The following SLK variants were observed in gnomAD, a reference collection of about 807,000 sequenced individuals.
SLK encodes STE20 like kinase, also known as STE20-like serine/threonine-protein kinase.
In SLK, 67 loss-of-function variants were observed where a neutral mutation model predicts 147.7. The ratio of observed to expected loss-of-function variants is 0.45; its 90% CI spans 0.37 to 0.56. SLK has a LOEUF of 0.56. Ranked by LOEUF, SLK falls within the 20% of genes least tolerant of loss-of-function variation. The pLI is 0.00. For missense variants in SLK, 1,136 were observed against 1,438.8 expected, an observed-to-expected ratio of 0.79 and a Z score of 3.41; for synonymous variants, 441 against 475.0, an observed-to-expected ratio of 0.93 and a Z score of 0.93.
chr10:103,991,957 A>G (rs1844099412), intron 2 of SLK, among the ~76,000 whole-genome samples: 1 of 151,814 alleles, frequency 6.6e-6, no homozygotes, highest in South Asian at 2.1e-4. Flanking sequence ...CTGTGAGGGG[A>G]AGTTTAGTGG....
In SLK at chr10:104,007,986, GA is replaced by G. The variant is rs760078953; in HGVS notation, c.2605-184del. 6.6e-5 allele frequency among the ~76,000 whole-genome samples: 10 copies of G among 151,880 alleles called. 1 individual carries two copies. The East Asian group carries it at 7.7e-4, about 12-fold the overall frequency. On this transcript the variant is annotated intron_variant, in intron 11 of 18. Transcript: ENST00000369755. ...AAATAGAAAAAAAATTTCCATGTTA[GA>G]AAAAAAGAACTCATTTTTTTGAGAA...
intron 1 of SLK, among the ~76,000 whole-genome samples, chr10:103,978,484 A>G (rs1843898636): frequency 6.6e-6 from 1 of 152,166 alleles, no homozygotes; most frequent in Admixed American, 6.5e-5. Context: ...ATGTACCAAA[A>G]TGAGAACTGA....
chr10:103,983,834 C>G (rs1328323488), intron 1 of SLK, among the ~76,000 whole-genome samples: 1 of 152,160 alleles, frequency 6.6e-6, no homozygotes, highest in Non-Finnish European at 1.5e-5. Context: ...CGCAGTCTCA[C>G]AGGACCCCTC....
chr10:103,999,901 T>C lies in SLK; in HGVS notation c.817T>C (p.Leu273=). The part of the protein sequence containing the change: ...SNFKDFLKKC[L]EKNVDARWTT... ...TTTTAAGGACTTTCTAAAGAAATGC[T>C]TAGAAAAGAATGTGGATGCCAGGTG... Residue 273 remains leucine (L), a synonymous_variant, in exon 7 of 19, where the codon TTA becomes CTA. Coordinates refer to ENST00000369755, the MANE Select transcript of SLK (RefSeq NM_014720.4). The C allele has an allele frequency of 1.9e-6, 3 of 1,565,018 alleles. No homozygotes were observed. The highest frequency in any genetic ancestry group is 1.8e-6 in the Non-Finnish European group (2 of 1,141,714).
At position 104,019,596 on chromosome 10, in the gene SLK, C is replaced by T. The variant is rs1030604875; in HGVS notation, c.3133-138C>T. On this transcript the variant is annotated intron_variant, in intron 15 of 18. Coordinates refer to ENST00000369755, the MANE Select transcript of SLK (RefSeq NM_014720.4). ...CTAACTTCTTACAAGTTATTTTGTG[C>T]CTAGTATTTTGCTGGTCACTGCAAC... 12 of 708,388 alleles carry T rather than the reference C, an allele frequency of 1.7e-5. No homozygotes were observed. In the African/African-American group the frequency reaches 1.8e-4, roughly 10 times the overall value. 43.9% of individuals were successfully genotyped at this position (708,388 alleles called of 1,614,324 possible).
chr10:103,986,747 C>G (rs548752908), intron 1 of SLK, among the ~76,000 whole-genome samples: 1 of 145,150 alleles, frequency 6.9e-6, no homozygotes, highest in Non-Finnish European at 1.5e-5. Context: ...GGCACGATCT[C>G]GGCTCACTGC....
chr10:103,972,227 C>T (rs1362999309), intron 1 of SLK, among the ~76,000 whole-genome samples: 1 of 152,158 alleles, frequency 6.6e-6, no homozygotes, highest in Admixed American at 6.5e-5. Flanking sequence ...GTTTTTGGCT[C>T]TTACACAAAA....
chr10:103,999,790 C>A, intron 6 of SLK, 77 bp from the exon 7 acceptor site: 1 of 613,600 alleles, frequency 1.6e-6, no homozygotes. Flanking sequence ...GAAACTTAAG[C>A]ATAACTTATC....
rs1433955401 is a variant in SLK, at chr10:104,025,999, C to T, written c.*279C>T. The T allele has an allele frequency of 7.0e-6, 2 of 284,312 alleles. No individual in the cohort carries two copies. The highest frequency in any genetic ancestry group is 1.3e-5 in the Non-Finnish European group (2 of 154,178). 17.6% of individuals were successfully genotyped at this position (284,312 alleles called of 1,614,324 possible). On this transcript the variant is annotated 3_prime_UTR_variant, in exon 19 of 19. Coordinates refer to ENST00000369755, the MANE Select transcript of SLK (RefSeq NM_014720.4). ...AATTATGTTCTTTAGACACTGCTAC[C>T]TGAAAACTGTTGGAGAAATAATGTT...
At position 104,008,066 on chromosome 10, in the gene SLK, G is replaced by GTAAATTTAAT. The variant is rs1330449945; in HGVS notation, c.2605-109_2605-108insAATTTAATTA. On this transcript the variant is annotated intron_variant, in intron 11 of 18. Transcript: ENST00000369755. The stretch of plus-strand genomic sequence containing the variant: ...CTTTTTCAGTATTGTGAAGGTTATA[G>GTAAATTTAAT]TACATTACTAAATTTAAATACTAGT... The GTAAATTTAAT allele has an allele frequency of 3.8e-5, 30 of 779,484 alleles. No individual in the cohort carries two copies. The African/African-American group carries it at 5.2e-4, about 14-fold the overall frequency. The allele number at this position is 779,484 out of a possible 1,614,324, so 48.3% of individuals were successfully genotyped here.
rs1218242027 is a variant in SLK at position 104,008,300 on chromosome 10, G to C, written c.2728G>C (p.Glu910Gln). 6.2e-7 allele frequency: 1 copy of C among 1,613,554 alleles called. No homozygotes were observed. The highest frequency in any genetic ancestry group is 2.2e-5 in the East Asian group (1 of 44,852). ...LRDEAKRIKG[E>Q]QEKELSKFQN... ...AGATGAAGCCAAACGCATCAAAGGA[G>C]AACAAGAGAAAGAGTTGTCCAAATT... The change falls in exon 12 of 19, where the codon GAA (glutamate) becomes CAA (glutamine). Residue 910 changes from glutamate (E) to glutamine (Q), a missense_variant. By Grantham distance (29) the Glu-to-Gln change is conservative. Coordinates refer to ENST00000369755, the MANE Select transcript of SLK (RefSeq NM_014720.4).
rs1157944289 is a variant in SLK at position 104,027,561 on chromosome 10, T to A, written c.*1841T>A. 1.3e-5 allele frequency: 2 copies of A among 152,600 alleles called. No homozygotes were observed. The highest frequency in any genetic ancestry group is 1.3e-4 in the Admixed American group (2 of 15,282). The allele number at this position is 152,600 out of a possible 1,614,324, so 9.5% of individuals were successfully genotyped here. A position where few individuals can be genotyped will look rare whatever the true frequency, so the allele number is the denominator to read the frequency against. On this transcript the variant is annotated 3_prime_UTR_variant, in exon 19 of 19. Transcript: ENST00000369755. ...ATGATAAAAATTGTTTATATTGTTATGATAAAAATGACAGTATAATGTTGC... is the reference window on the plus strand; with the variant it reads ...ATGATAAAAATTGTTTATATTGTTAAGATAAAAATGACAGTATAATGTTGC...
intron 1 of SLK, 71 bp from the exon 2 acceptor site, chr10:103,990,604 T>A (rs1419083848): frequency 1.1e-6 from 1 of 870,980 alleles, no homozygotes; most frequent in Non-Finnish European, 1.7e-6. Flanking sequence ...AAACTTAAAA[T>A]CTATTAAAAT....
At chr10:104,016,176 G>A (rs1477393569) in intron 13 of SLK, among the ~76,000 whole-genome samples, 1 of 152,026 alleles carries the variant, frequency 6.6e-6, no homozygotes. Flanking sequence ...AAAATTAGCT[G>A]GGCGTGGTGG....
Position 104,022,367 on chromosome 10 carries a change from T to G in SLK, c.3561+634T>G, listed in dbSNP as rs1405096106. On this transcript the variant is annotated intron_variant, in intron 18 of 18. Transcript: ENST00000369755. ...TCTTCTCTGTCTCACCCCTTTCCCT[T>G]GTTTGTGCTTGACACCCTATTCACC... Among the ~76,000 whole-genome samples the G allele has an allele frequency of 2.6e-5, 4 of 152,136 alleles. No homozygotes were observed. The East Asian group carries it at 5.8e-4, about 22-fold the overall frequency.
intron 18 of SLK, among the ~76,000 whole-genome samples, chr10:104,022,300 T>G (rs1033933869): frequency 1.3e-5 from 2 of 152,174 alleles, no homozygotes; most frequent in African/African-American, 4.8e-5. Context: ...AAAGGCCCTG[T>G]TATTCTACGT....
At chr10:104,011,698 C>CT (rs1844402836) in intron 13 of SLK, among the ~76,000 whole-genome samples, 1 of 151,744 alleles carries the variant, frequency 6.6e-6, no homozygotes, top group Admixed American at 6.6e-5. Context: ...GTAGCTGGGA[C>CT]TACAGGCATG....
At chr10:104,002,140 T>C (rs779798295) in intron 8 of SLK, 32 bp from the exon 9 acceptor site, 4 of 1,527,300 alleles carry the variant, frequency 2.6e-6, no homozygotes, top group Non-Finnish European at 3.5e-6. Context: ...AGGTCATGTT[T>C]TAACACTAAA....
chr10:104,011,001 A>G (rs1844392911), intron 13 of SLK, 93 bp downstream of exon 13: 1 of 660,110 alleles, frequency 1.5e-6, no homozygotes, highest in Admixed American at 3.8e-5. Context: ...TTTAAGTGTT[A>G]TTATTATATG....
Sources: allele counts gnomAD v4.1 joint callset (sites outside exome capture counted in the v4.1 genomes callset), GRCh38; gene constraint gnomAD v4.1.1; transcripts MANE v1.5; gene names NCBI Gene and HGNC (gene_info 2026-07-23, HGNC 2026-07-21).